The following GLDC variants were observed in gnomAD, a reference collection of about 807,000 sequenced individuals.
The protein encoded by GLDC is glycine dehydrogenase (decarboxylating), mitochondrial.
Under a neutral mutation model 121.3 loss-of-function variants are expected in GLDC, and 104 were observed. The ratio of observed to expected loss-of-function variants is 0.86; its 90% confidence interval spans 0.73 to 1.01. The LOEUF is 1.01. Among genes scored for constraint, GLDC ranks in the 50% least tolerant of loss-of-function variants. The pLI is 0.00. For synonymous variants in GLDC, 546 were observed against 480.6 expected (o/e 1.14, Z -1.78); for missense variants, 1,429 against 1,306.6 (o/e 1.09, Z -1.44).
intron 15 of GLDC, among the ~76,000 whole-genome samples, chr9:6,577,483 C>T (rs540965446): frequency 6.6e-6 from 1 of 151,922 alleles, no homozygotes; most frequent in East Asian, 1.9e-4. Flanking sequence ...GAGCCTATAA[C>T]CAACTTACTA....
At chr9:6,605,505 C>G in intron 5 of GLDC, 1 of 583,988 alleles carries the variant, frequency 1.7e-6, no homozygotes, top group Non-Finnish European at 3.1e-6. Flanking sequence ...CTCTGACTCC[C>G]CTTTGCCCTT....
chr9:6,617,215 T>C (rs1818983737), intron 3 of GLDC, among the ~76,000 whole-genome samples: 1 of 152,198 alleles, frequency 6.6e-6, no homozygotes, highest in Admixed American at 6.5e-5. Context: ...GGGTGTAATA[T>C]CACTCTCTGG....
chr9:6,622,267 G>C (rs976979903), intron 2 of GLDC, among the ~76,000 whole-genome samples: 5 of 141,550 alleles, frequency 3.5e-5, no homozygotes, highest in Admixed American at 2.8e-4. Flanking sequence ...CTCTCCCCAC[G>C]GTCTCCCTCT....
At chr9:6,581,821 T>C (rs182744240) in intron 15 of GLDC, among the ~76,000 whole-genome samples, 1 of 152,332 alleles carries the variant, frequency 6.6e-6, no homozygotes, top group Admixed American at 6.5e-5. Context: ...ATTTATTGTA[T>C]ATTTAGAGTT....
At chr9:6,562,429 T>C (rs2129748318) in intron 16 of GLDC, among the ~76,000 whole-genome samples, 1 of 152,284 alleles carries the variant, frequency 6.6e-6, no homozygotes. Flanking sequence ...AAGAATGATA[T>C]ATTTTGCTGG....
intron 14 of GLDC, among the ~76,000 whole-genome samples, chr9:6,587,644 T>G (rs1429728769): frequency 6.6e-6 from 1 of 152,120 alleles, no homozygotes; most frequent in African/African-American, 2.4e-5. Flanking sequence ...CTTTCTTCAC[T>G]AAGTGGAACA....
At chr9:6,609,351 G>T (rs765562141) in intron 4 of GLDC, among the ~76,000 whole-genome samples, 1 of 152,160 alleles carries the variant, frequency 6.6e-6, no homozygotes, top group Non-Finnish European at 1.5e-5. Context: ...ATAGACGAGA[G>T]ATTAAATAAA....
At chr9:6,585,785 G>GT (rs1400645195) in intron 15 of GLDC, among the ~76,000 whole-genome samples, 6 of 152,114 alleles carry the variant, frequency 3.9e-5, no homozygotes, top group African/African-American at 1.4e-4. Context: ...ATTCTAAAAT[G>GT]TAAACTCACA....
chr9:6,643,832 G>A (rs972202876), intron 2 of GLDC, among the ~76,000 whole-genome samples: 1 of 151,502 alleles, frequency 6.6e-6, no homozygotes, highest in Non-Finnish European at 1.5e-5. Context: ...TCAGGAGTTC[G>A]ACACCAGCCT....
At chr9:6,620,163 C>A (rs1258612173) in intron 3 of GLDC, 21 bp downstream of exon 3, 1 of 1,610,728 alleles carries the variant, frequency 6.2e-7, no homozygotes, top group Non-Finnish European at 8.5e-7. Context: ...CATCCTGTTC[C>A]TGAACTGAGA....
At chr9:6,585,868 G>GTATCTATC (rs1214635048) in intron 15 of GLDC, among the ~76,000 whole-genome samples, 3 of 116,460 alleles carry the variant, frequency 2.6e-5, no homozygotes, top group South Asian at 2.6e-4. Context: ...ATGTATGTAT[G>GTATCTATC]TATCTATCTA....
At chr9:6,619,447 G>T (rs1178956355) in intron 3 of GLDC, among the ~76,000 whole-genome samples, 1 of 152,062 alleles carries the variant, frequency 6.6e-6, no homozygotes, top group Non-Finnish European at 1.5e-5. Context: ...TGACAGAAGG[G>T]CCAGGCGCAG....
intron 2 of GLDC, among the ~76,000 whole-genome samples, chr9:6,635,045 G>A (rs7031908): frequency 0.22 from 32,896 of 152,056 alleles, 3,650 homozygotes; most frequent in South Asian, 0.3. Flanking sequence ...TCTATTCACC[G>A]TCCCTCAAAT....
chr9:6,579,796 G>A (rs1187965796), intron 15 of GLDC, among the ~76,000 whole-genome samples: 1 of 152,200 alleles, frequency 6.6e-6, no homozygotes, highest in East Asian at 1.9e-4. Flanking sequence ...AACGCTGGCT[G>A]CCCGGGCAAC....
intron 21 of GLDC, among the ~76,000 whole-genome samples, chr9:6,549,868 A>C (rs1254082788): frequency 6.6e-6 from 1 of 152,024 alleles, no homozygotes; most frequent in East Asian, 1.9e-4. Context: ...CGGTCTCTTC[A>C]TGAATCCCTA....
At chr9:6,605,086 T>C (rs1267028596) in intron 6 of GLDC, 45 bp downstream of exon 6, 25 of 1,545,504 alleles carry the variant, frequency 1.6e-5, no homozygotes, top group African/African-American at 4.1e-5. Flanking sequence ...CAGATACAAG[T>C]TGGGATACGC....
chr9:6,560,612 T>A (rs912542482), intron 16 of GLDC, among the ~76,000 whole-genome samples: 4 of 152,120 alleles, frequency 2.6e-5, no homozygotes, highest in African/African-American at 9.7e-5. Flanking sequence ...GGGCAGAATA[T>A]TGATAAGAAG....
chr9:6,546,362 T>C (rs1265942594), intron 21 of GLDC, among the ~76,000 whole-genome samples: 6 of 141,954 alleles, frequency 4.2e-5, no homozygotes, highest in Admixed American at 1.4e-4. Flanking sequence ...TGGTTAATTT[T>C]TTCTTTTTTT....
chr9:6,557,462 C>G (rs1817658608), intron 17 of GLDC, among the ~76,000 whole-genome samples: 1 of 152,082 alleles, frequency 6.6e-6, no homozygotes, highest in Admixed American at 6.6e-5. Flanking sequence ...GGCATGGTGG[C>G]ACACGCCTGT....
Sources: gnomAD v4.1 joint callset for allele counts (sites outside exome capture counted in the v4.1 genomes callset) on GRCh38, gnomAD v4.1.1 for gene constraint, MANE v1.5 for transcripts, NCBI Gene and HGNC (gene_info 2026-07-23, HGNC 2026-07-21) for gene names.